The following IL1RAPL1 variants were observed in gnomAD, a reference collection of about 807,000 sequenced individuals.
The protein encoded by IL1RAPL1 is interleukin-1 receptor accessory protein-like 1.
Under a neutral mutation model 48.4 loss-of-function variants are expected in IL1RAPL1, and 3 were observed. The ratio of observed to expected loss-of-function variants is 0.06; its 90% CI spans 0.03 to 0.16. IL1RAPL1 has a LOEUF of 0.16. Ranked by LOEUF, IL1RAPL1 falls within the 10% of genes least tolerant of loss-of-function variation. The pLI is 1.00. For synonymous variants in IL1RAPL1, 185 were observed against 187.7 expected (o/e 0.99, Z 0.12); for missense variants, 349 against 530.6 (o/e 0.66, Z 3.36).
At chrX:28,682,516 G>A (rs1935073610) in intron 1 of IL1RAPL1, among the ~76,000 whole-genome samples, 2 of 110,349 alleles carry the variant, frequency 1.8e-5, no homozygotes, top group South Asian at 3.9e-4. Context: ...TCACCATGTT[G>A]ACCAGGCTGG....
At chrX:29,132,065 A>G (rs1929034178) in intron 2 of IL1RAPL1, among the ~76,000 whole-genome samples, 1 of 111,794 alleles carries the variant, frequency 8.9e-6, no homozygotes. Context: ...GTAAATATTT[A>G]TGTGTTTAAG....
chrX:29,158,438 G>A (rs919668210), intron 2 of IL1RAPL1, among the ~76,000 whole-genome samples: 2 of 111,117 alleles, frequency 1.8e-5, no homozygotes, highest in African/African-American at 6.5e-5. Flanking sequence ...GCAGTGGCAC[G>A]ATCTCCCTCA....
chrX:29,545,038 T>C (rs1196509369), intron 5 of IL1RAPL1, among the ~76,000 whole-genome samples: 1 of 110,069 alleles, frequency 9.1e-6, no homozygotes, highest in Non-Finnish European at 1.9e-5. Flanking sequence ...CATCTGCAAG[T>C]CAAGGAGAGA....
intron 6 of IL1RAPL1, among the ~76,000 whole-genome samples, chrX:29,696,793 T>G (rs181997467): frequency 9.0e-6 from 1 of 111,569 alleles, no homozygotes; most frequent in East Asian, 2.8e-4. Context: ...AATCGCCTTT[T>G]TTTTTTTAAA....
At chrX:29,471,656 G>C (rs1934922723) in intron 5 of IL1RAPL1, among the ~76,000 whole-genome samples, 1 of 111,586 alleles carries the variant, frequency 9.0e-6, no homozygotes, top group South Asian at 3.8e-4. Flanking sequence ...TAGTAAGTTT[G>C]GAGTCCCAAG....
At chrX:29,626,595 T>A (rs1924621024) in intron 5 of IL1RAPL1, among the ~76,000 whole-genome samples, 1 of 111,890 alleles carries the variant, frequency 8.9e-6, no homozygotes, top group Non-Finnish European at 1.9e-5. Context: ...TTGGCAGAAG[T>A]TGTTTTCTGA....
At chrX:28,667,264 G>A (rs969055548) in intron 1 of IL1RAPL1, among the ~76,000 whole-genome samples, 4 of 112,031 alleles carry the variant, frequency 3.6e-5, no homozygotes, top group Non-Finnish European at 5.6e-5. Flanking sequence ...TTACAGCACC[G>A]TTACCCTGTA....
chrX:28,906,709 AAATT>A (rs1253455803), intron 2 of IL1RAPL1, among the ~76,000 whole-genome samples: 9 of 111,863 alleles, frequency 8.0e-5, no homozygotes, highest in Non-Finnish European at 1.5e-4. Flanking sequence ...ACTGATAAAT[AAATT>A]AAGATATTTT....
intron 8 of IL1RAPL1, among the ~76,000 whole-genome samples, chrX:29,937,377 C>T (rs1299516360): frequency 8.9e-6 from 1 of 112,152 alleles, no homozygotes; most frequent in Non-Finnish European, 1.9e-5. Flanking sequence ...ACACCATTTA[C>T]ATTGTAATGT....
At chrX:29,819,560 T>A (rs1424438345) in intron 6 of IL1RAPL1, among the ~76,000 whole-genome samples, 2 of 110,885 alleles carry the variant, frequency 1.8e-5, no homozygotes, top group Non-Finnish European at 3.8e-5. Context: ...AAACCAACAA[T>A]CATTTTTCAA....
intron 1 of IL1RAPL1, among the ~76,000 whole-genome samples, chrX:28,733,981 G>T (rs1235590272): frequency 9.0e-6 from 1 of 111,231 alleles, no homozygotes; most frequent in African/African-American, 3.3e-5. Context: ...CCTGTGTCTG[G>T]TTATTCAGAA....
At chrX:29,894,028 C>T (rs1289666937) in intron 6 of IL1RAPL1, among the ~76,000 whole-genome samples, 6 of 112,025 alleles carry the variant, frequency 5.4e-5, no homozygotes, top group African/African-American at 1.3e-4. Context: ...TTTCCAGTTA[C>T]GGTGATAATT....
At position 29,610,866 on chromosome X, in the gene IL1RAPL1, C is replaced by T. The variant is rs182347823; in HGVS notation, c.704-57564C>T. Among the ~76,000 whole-genome samples, 3 of 112,144 alleles carry T rather than the reference C, an allele frequency of 2.7e-5. No individual in the cohort carries two copies. In the East Asian group the frequency reaches 8.4e-4, roughly 32 times the overall value. On this transcript the variant is annotated intron_variant, in intron 5 of 10. Coordinates refer to ENST00000378993, the MANE Select transcript of IL1RAPL1 (RefSeq NM_014271.4). ...ATGCTCTTTTAGCAGTTGCCATCTG[C>T]ACATGGCTAAGTGTTGAGGACTAAG... is the stretch of plus-strand genomic sequence containing the variant.
chrX:29,387,819 C>A (rs1401631202), intron 3 of IL1RAPL1, among the ~76,000 whole-genome samples: 1 of 109,522 alleles, frequency 9.1e-6, no homozygotes, highest in Admixed American at 9.8e-5. Flanking sequence ...AGGGTGAAAC[C>A]CCGCCTCTAC....
At chrX:29,230,518 A>C (rs866040439) in intron 2 of IL1RAPL1, among the ~76,000 whole-genome samples, 17 of 78,960 alleles carry the variant, frequency 2.2e-4, no homozygotes, top group East Asian at 1.8e-3. Context: ...AAAAAAAAAA[A>C]AAAAAAAAAA....
chrX:29,223,777 T>G (rs1161623475), intron 2 of IL1RAPL1, among the ~76,000 whole-genome samples: 1 of 110,508 alleles, frequency 9.0e-6, no homozygotes, highest in Non-Finnish European at 1.9e-5. Context: ...TCTCCTGACC[T>G]CATGATCCAC....
chrX:29,355,260 G>C (rs1933286590), intron 3 of IL1RAPL1, among the ~76,000 whole-genome samples: 1 of 111,510 alleles, frequency 9.0e-6, no homozygotes, highest in Non-Finnish European at 1.9e-5. Flanking sequence ...TTATACTGAA[G>C]AGGCATATTT....
chrX:29,672,264 A>C (rs1466877885), intron 6 of IL1RAPL1, among the ~76,000 whole-genome samples: 2 of 112,032 alleles, frequency 1.8e-5, no homozygotes, highest in Non-Finnish European at 3.8e-5. Flanking sequence ...AATTTTGTTA[A>C]AGGTTCTTAG....
intron 6 of IL1RAPL1, among the ~76,000 whole-genome samples, chrX:29,706,978 GA>G (rs1927216294): frequency 8.9e-6 from 1 of 111,797 alleles, no homozygotes; most frequent in Admixed American, 9.5e-5. Flanking sequence ...CACAGCAAAA[GA>G]AAAAATCAGC....
Sources: allele counts gnomAD v4.1 joint callset (sites outside exome capture counted in the v4.1 genomes callset), GRCh38; gene constraint gnomAD v4.1.1; transcripts MANE v1.5; gene names NCBI Gene and HGNC (gene_info 2026-07-23, HGNC 2026-07-21).